Variants in ETV6 observed in about 807,000 individuals in gnomAD.
ETV6 encodes ETS variant transcription factor 6, also known as transcription factor ETV6.
In ETV6, 16 loss-of-function variants were observed where a neutral mutation model predicts 51.1. The observed-to-expected ratio is 0.31, with a 90% confidence interval of 0.21 to 0.48. The LOEUF is 0.48. Ranked by LOEUF, ETV6 falls within the 20% of genes least tolerant of loss-of-function variation. The pLI is 0.99. For missense variants in ETV6, 458 were observed against 594.8 expected (o/e 0.77, Z 2.39); for synonymous variants, 240 against 224.1 (o/e 1.07, Z -0.64).
At position 11,752,573 on chromosome 12, in the gene ETV6, C is replaced by T; in HGVS notation, c.157C>T (p.His53Tyr). 8 of 1,612,044 alleles carry T rather than the reference C, an allele frequency of 5.0e-6. No homozygotes were observed. The highest frequency in any genetic ancestry group is 2.2e-5 in the East Asian group (1 of 44,876). The change falls in exon 2 of 8, where the codon CAC becomes TAC. Residue 53 changes from histidine to tyrosine, a missense_variant. Physicochemically the swap from His to Tyr is moderately conservative, Grantham distance 83. Transcript: ENST00000396373. ...GGAAGACTCGATCCGCCTGCCTGCGCACCTGCGTGAGTGTTCGTGACCCGA... is the reference window on the plus strand; with the variant it reads ...GGAAGACTCGATCCGCCTGCCTGCGTACCTGCGTGAGTGTTCGTGACCCGA... The part of the protein sequence containing the change: ...MEEDSIRLPA[H>Y]LRLQPIYWSR...
At chr12:11,679,013 C>A (rs917349843) in intron 1 of ETV6, among the ~76,000 whole-genome samples, 3 of 152,178 alleles carry the variant, frequency 2.0e-5, no homozygotes, top group African/African-American at 7.2e-5. Context: ...CCCTCCTAGA[C>A]ACACCCAGAA....
chr12:11,734,211 A>G (rs943809077), intron 1 of ETV6, among the ~76,000 whole-genome samples: 1 of 152,216 alleles, frequency 6.6e-6, no homozygotes, highest in Non-Finnish European at 1.5e-5. Context: ...ATAGTAGATA[A>G]TAGTTGTACA....
At chr12:11,809,188 G>T (rs1236192385) in intron 2 of ETV6, among the ~76,000 whole-genome samples, 2 of 150,788 alleles carry the variant, frequency 1.3e-5, no homozygotes, top group East Asian at 3.9e-4. Flanking sequence ...GATAGGAAGT[G>T]AGCAAAAGAG....
At chr12:11,752,412 C>T (rs1313344207) in intron 1 of ETV6, 38 bp from the exon 2 acceptor site, 2 of 1,581,130 alleles carry the variant, frequency 1.3e-6, no homozygotes, top group Non-Finnish European at 1.7e-6. Flanking sequence ...TTCATTGTCT[C>T]TCTCCCCCTC....
At chr12:11,684,674 A>C (rs1351559681) in intron 1 of ETV6, among the ~76,000 whole-genome samples, 2 of 152,216 alleles carry the variant, frequency 1.3e-5, no homozygotes, top group Non-Finnish European at 2.9e-5. Flanking sequence ...TAAATACTTC[A>C]GGTTGTGTCT....
chr12:11,849,765 G>T (rs1411121638), intron 3 of ETV6, among the ~76,000 whole-genome samples: 1 of 152,206 alleles, frequency 6.6e-6, no homozygotes, highest in African/African-American at 2.4e-5. Context: ...TCTGGGAGAA[G>T]GGGAGGTGGG....
At chr12:11,761,690 T>C (rs1945087914) in intron 2 of ETV6, among the ~76,000 whole-genome samples, 1 of 152,204 alleles carries the variant, frequency 6.6e-6, no homozygotes, top group Non-Finnish European at 1.5e-5. Context: ...CATGCTCTTG[T>C]AGGGGTCAGT....
intron 1 of ETV6, among the ~76,000 whole-genome samples, chr12:11,718,364 G>A (rs992768821): frequency 2.6e-5 from 4 of 152,126 alleles, no homozygotes; most frequent in Admixed American, 6.5e-5. Context: ...GTTAGTGTTC[G>A]GCAGGACTGG....
At position 11,788,571 on chromosome 12, in the gene ETV6, G is replaced by A. The variant is rs140872003; in HGVS notation, c.163+35992G>A. Among the ~76,000 whole-genome samples, 685 of 152,254 alleles carry A rather than the reference G, an allele frequency of 4.5e-3. 5 individuals are homozygous for A. The highest frequency in any genetic ancestry group is 0.015 in the African/African-American group (641 of 41,540). ...CTTATAATTACTGATACTATGATGT[G>A]TGGAGTTTAAAGTACCCAACAGTTG... On this transcript the variant is annotated intron_variant, in intron 2 of 7. Transcript: ENST00000396373.
rs76087264 is a variant in ETV6, at chr12:11,810,730, C to T, written c.164-28410C>T. Among the ~76,000 whole-genome samples the T allele has an allele frequency of 6.1e-4, 93 of 152,330 alleles. 1 individual carries two copies. In the East Asian group the frequency reaches 0.016, roughly 26 times the overall value. On this transcript the variant is annotated intron_variant, in intron 2 of 7. Coordinates refer to ENST00000396373, the MANE Select transcript of ETV6 (RefSeq NM_001987.5). ...TTGGGTCCATCTTTAATAATAACTACACCTTCTGAAAGATTTGAAACTATT... is the reference window on the plus strand; with the variant it reads ...TTGGGTCCATCTTTAATAATAACTATACCTTCTGAAAGATTTGAAACTATT...
At chr12:11,650,496 C>A (rs7958354) in intron 1 of ETV6, among the ~76,000 whole-genome samples, 91,648 of 110,654 alleles carry the variant, frequency 0.83, 36,921 homozygotes, top group East Asian at 0.97. Context: ...AAAAAAAAAA[C>A]AAAAAACAAA....
At chr12:11,713,570 T>C (rs745721931) in intron 1 of ETV6, among the ~76,000 whole-genome samples, 34 of 152,224 alleles carry the variant, frequency 2.2e-4, no homozygotes, top group Non-Finnish European at 4.0e-4. Flanking sequence ...TGCATGTCTT[T>C]TTCCTAAACT....
chr12:11,834,443 GA>G (rs1160598999), intron 2 of ETV6, among the ~76,000 whole-genome samples: 1 of 152,220 alleles, frequency 6.6e-6, no homozygotes, highest in African/African-American at 2.4e-5. Context: ...AGCTTGAACT[GA>G]GTGTTGCTCA....
Position 11,891,064 on chromosome 12 carries a change from C to A in ETV6, c.*18C>A. ...AATGCTGAAGGAACCAACAGTCCAC[C>A]TCAGCGGGCCAGCAGCCCAGGGAAC... On this transcript the variant is annotated 3_prime_UTR_variant, in exon 8 of 8. Transcript: ENST00000396373. 1 of 1,589,398 alleles carries A rather than the reference C, an allele frequency of 6.3e-7. No individual in the cohort carries two copies. The highest frequency in any genetic ancestry group is 8.6e-7 in the Non-Finnish European group (1 of 1,158,116).
chr12:11,680,068 T>A (rs1281199138), intron 1 of ETV6, among the ~76,000 whole-genome samples: 1 of 152,192 alleles, frequency 6.6e-6, no homozygotes, highest in Non-Finnish European at 1.5e-5. Context: ...AGCTTGATAG[T>A]TCTCTGGCTA....
At chr12:11,701,294 C>T (rs1864977728) in intron 1 of ETV6, among the ~76,000 whole-genome samples, 1 of 152,156 alleles carries the variant, frequency 6.6e-6, no homozygotes, top group Admixed American at 6.5e-5. Context: ...GCCCTTCTCC[C>T]CTCCCCCAGC....
rs1946177317 is a variant in ETV6, at chr12:11,827,606, G to T, written c.164-11534G>T. On this transcript the variant is annotated intron_variant, in intron 2 of 7. Coordinates refer to ENST00000396373, the MANE Select transcript of ETV6 (RefSeq NM_001987.5). Reference sequence around the variant, plus strand: ...CCTCCTGGAATTCAGTGATTATCAGGACTGTCTCCATCCTGAGAAGAGGCT... The same window carrying T: ...CCTCCTGGAATTCAGTGATTATCAGTACTGTCTCCATCCTGAGAAGAGGCT... 2.0e-5 allele frequency among the ~76,000 whole-genome samples: 3 copies of T among 152,022 alleles called. No individual in the cohort carries two copies. The South Asian group carries it at 6.2e-4, about 32-fold the overall frequency.
chr12:11,674,677 A>G (rs1164035407), intron 1 of ETV6, among the ~76,000 whole-genome samples: 2 of 143,966 alleles, frequency 1.4e-5, no homozygotes, highest in East Asian at 4.1e-4. Flanking sequence ...TGTTTTCCCC[A>G]TGAAGCCCTG....
chr12:11,888,103 C>T (rs200086053), intron 7 of ETV6, among the ~76,000 whole-genome samples: 9 of 152,338 alleles, frequency 5.9e-5, no homozygotes, highest in East Asian at 5.8e-4. Flanking sequence ...TGATTCACAT[C>T]GGGATTCACT....
Sources: gnomAD v4.1 joint callset for allele counts (sites outside exome capture counted in the v4.1 genomes callset) on GRCh38, gnomAD v4.1.1 for gene constraint, MANE v1.5 for transcripts, NCBI Gene and HGNC (gene_info 2026-07-23, HGNC 2026-07-21) for gene names.